Variants in WDFY3 observed in about 807,000 individuals in gnomAD.
WDFY3 encodes WD repeat and FYVE domain containing 3.
In WDFY3, 66 loss-of-function variants were observed where a neutral mutation model predicts 409.6. The observed-to-expected ratio is 0.16, with a 90% CI of 0.13 to 0.20. The LOEUF (loss-of-function observed/expected upper bound fraction) is 0.20, where lower values mean the gene tolerates loss of function less well. Ranked by LOEUF, WDFY3 falls within the 10% of genes least tolerant of loss-of-function variation. The pLI, the probability that WDFY3 is intolerant of heterozygous loss-of-function variation, is 1.00. For synonymous variants in WDFY3, 1,521 were observed against 1,537.1 expected (o/e 0.99, Z 0.25); for missense variants, 3,031 against 4,298.1 (o/e 0.71, Z 8.24).
chr4:84,855,371 G>C (rs1329921385), intron 4 of WDFY3, among the ~76,000 whole-genome samples: 1 of 152,094 alleles, frequency 6.6e-6, no homozygotes, highest in Non-Finnish European at 1.5e-5. Context: ...TTCATCTTTA[G>C]AGAAAAATAG....
intron 36 of WDFY3, among the ~76,000 whole-genome samples, chr4:84,750,912 A>G (rs369759824): frequency 1.3e-5 from 2 of 152,234 alleles, no homozygotes; most frequent in African/African-American, 4.8e-5. Flanking sequence ...ACAATGCACC[A>G]TGTCTTAAGT....
At chr4:84,965,679 T>C (rs1419999363) in intron 1 of WDFY3, 2 of 152,120 alleles carry the variant, frequency 1.3e-5, no homozygotes, top group African/African-American at 2.4e-5. Context: ...GCGTAGGGCG[T>C]AGGGGGAGAG....
rs1185205737 is a variant in WDFY3 at position 84,717,715 on chromosome 4, C to T, written c.7755-699G>A. ...CTCAGTCAGTAAATCTCTGCTAATG[C>T]TTTAGTCATGCTGTTTCTAGGGTGC... On this transcript the variant is annotated intron_variant, in intron 48 of 67. Transcript: ENST00000295888. 5.3e-5 allele frequency among the ~76,000 whole-genome samples: 8 copies of T among 152,106 alleles called. No individual in the cohort carries two copies. In the East Asian group the frequency reaches 1.5e-3, roughly 29 times the overall value.
chr4:84,876,343 C>T (rs577635542), intron 3 of WDFY3, among the ~76,000 whole-genome samples: 1 of 152,308 alleles, frequency 6.6e-6, no homozygotes, highest in African/African-American at 2.4e-5. Context: ...ATTAGTTACA[C>T]AGGCTTTGCA....
In WDFY3 at chr4:84,796,747, T is replaced by C. The variant is rs947768947; in HGVS notation, c.2941A>G (p.Met981Val). The change falls in exon 19 of 68, where the codon ATG becomes GTG. Residue 981 changes from methionine to valine, a missense_variant. Coordinates refer to ENST00000295888, the MANE Select transcript of WDFY3 (RefSeq NM_014991.6). ...LSYEPEMRSS[M>V]ITSLEGLGTD... ...CCCAGACCTTCCAGAGATGTGATCA[T>C]ACTACCTGTAAGTCAAGGAAATCTC... 3.7e-6 allele frequency: 6 copies of C among 1,610,276 alleles called. No homozygotes were observed. The highest frequency in any genetic ancestry group is 4.2e-6 in the Non-Finnish European group (5 of 1,177,504).
chr4:84,704,445 C>A lies in WDFY3; in HGVS notation c.8336-1G>T. 6.3e-7 allele frequency: 1 copy of A among 1,590,616 alleles called. No homozygotes were observed. The highest frequency in any genetic ancestry group is 8.5e-7 in the Non-Finnish European group (1 of 1,169,968). On this transcript the variant is annotated splice_acceptor_variant, in intron 54 of 67. Transcript: ENST00000295888. LOFTEE classifies it high-confidence loss of function. ...CCATAGTGGTATGCAGGAGTTTCTCCTGTTTAAGAAAATTAAAGCACAATT... is the reference window on the plus strand; with the variant it reads ...CCATAGTGGTATGCAGGAGTTTCTCATGTTTAAGAAAATTAAAGCACAATT...
intron 15 of WDFY3, among the ~76,000 whole-genome samples, chr4:84,807,866 G>A (rs1211116841): frequency 6.6e-6 from 1 of 151,672 alleles, no homozygotes; most frequent in Non-Finnish European, 1.5e-5. Flanking sequence ...TGAATCTGAT[G>A]GAGAAAATAC....
chr4:84,756,509 C>T (rs911426802), intron 33 of WDFY3, among the ~76,000 whole-genome samples: 11 of 151,458 alleles, frequency 7.3e-5, no homozygotes, highest in African/African-American at 2.4e-4. Flanking sequence ...CGCTTGAACC[C>T]GGGAGGTGGA....
rs570617671 is a variant in WDFY3, at chr4:84,741,338, G to T, written c.6234+423C>A. Reference sequence around the variant, plus strand: ...TCAGTTTTTTTTTTTTTTTTGAGACGGAGTCTTGCTCTGTCACCCAGGCTG... The same window carrying T: ...TCAGTTTTTTTTTTTTTTTTGAGACTGAGTCTTGCTCTGTCACCCAGGCTG... On this transcript the variant is annotated intron_variant, in intron 38 of 67. Transcript: ENST00000295888. 5.4e-5 allele frequency among the ~76,000 whole-genome samples: 8 copies of T among 148,544 alleles called. No homozygotes were observed. The South Asian group carries it at 1.7e-3, about 32-fold the overall frequency.
rs568935497 is a variant in WDFY3 at position 84,811,850 on chromosome 4, T to C, written c.1888-1506A>G. Among the ~76,000 whole-genome samples the C allele has an allele frequency of 6.6e-5, 10 of 152,330 alleles. No homozygotes were observed. The East Asian group carries it at 1.9e-3, about 29-fold the overall frequency. ...TTTCGGATTTTGGAATATTTGCACA[T>C]ATACAGTAAGTTATCTAAACATAAA... On this transcript the variant is annotated intron_variant, in intron 13 of 67. Coordinates refer to ENST00000295888, the MANE Select transcript of WDFY3 (RefSeq NM_014991.6).
intron 3 of WDFY3, among the ~76,000 whole-genome samples, chr4:84,889,065 A>C (rs1391930706): frequency 6.6e-6 from 1 of 152,230 alleles, no homozygotes. Context: ...CTAACGATCT[A>C]AAGTAAAAAT....
intron 53 of WDFY3, among the ~76,000 whole-genome samples, chr4:84,707,791 G>A (rs762979575): frequency 1.8e-4 from 28 of 151,536 alleles, no homozygotes; most frequent in Admixed American, 5.9e-4. Context: ...TTTATTTATT[G>A]TGCATTAGGT....
At chr4:84,955,052 A>G (rs1774069462) in intron 1 of WDFY3, among the ~76,000 whole-genome samples, 1 of 152,130 alleles carries the variant, frequency 6.6e-6, no homozygotes, top group Non-Finnish European at 1.5e-5. Context: ...AAAAAATACA[A>G]AAATTAGCCA....
At position 84,737,375 on chromosome 4, in the gene WDFY3, CA is replaced by C. The variant is rs754470238; in HGVS notation, c.6575-10del. 1 of 1,478,446 alleles carries C rather than the reference CA, an allele frequency of 6.8e-7. No homozygotes were observed. Among genetic ancestry groups the C allele is most frequent in the East Asian group, 2.4e-5 (1 of 41,360 alleles). 91.6% of individuals were successfully genotyped at this position (1,478,446 alleles called of 1,614,324 possible). On this transcript the variant is annotated splice_polypyrimidine_tract_variant and intron_variant, in intron 40 of 67. Coordinates refer to ENST00000295888, the MANE Select transcript of WDFY3 (RefSeq NM_014991.6). Reference sequence around the variant, plus strand: ...TATGAGAAGCTGACGCCCTAGTAAACAAACAAACAAACAAACAAAAAAGTAA... The same window carrying C: ...TATGAGAAGCTGACGCCCTAGTAAACAACAAACAAACAAACAAAAAAGTAA...
At chr4:84,935,588 T>A (rs182381631) in intron 1 of WDFY3, among the ~76,000 whole-genome samples, 10 of 152,330 alleles carry the variant, frequency 6.6e-5, no homozygotes, top group Admixed American at 5.9e-4. Flanking sequence ...GTATTTTATA[T>A]GTATTTGGAT....
chr4:84,902,854 T>C (rs1362041276), intron 2 of WDFY3, among the ~76,000 whole-genome samples: 1 of 152,164 alleles, frequency 6.6e-6, no homozygotes, highest in Non-Finnish European at 1.5e-5. Flanking sequence ...TCAGACTTAT[T>C]GTCAGGATTG....
intron 54 of WDFY3, 118 bp downstream of exon 54, chr4:84,705,276 T>G: frequency 1.3e-6 from 1 of 753,794 alleles, no homozygotes. Flanking sequence ...GGACATATAA[T>G]ACATATAGAT....
chr4:84,755,509 TA>T, intron 33 of WDFY3, 109 bp from the exon 34 acceptor site: 1 of 1,267,542 alleles, frequency 7.9e-7, no homozygotes, highest in East Asian at 2.6e-5. Context: ...TTGTTGTTTT[TA>T]AAAGTAACCA....
At chr4:84,913,172 A>AT (rs1768015997) in intron 2 of WDFY3, among the ~76,000 whole-genome samples, 1 of 152,312 alleles carries the variant, frequency 6.6e-6, no homozygotes, top group South Asian at 2.1e-4. Flanking sequence ...CAGCCTCTAA[A>AT]TAAGGGCATT....
Sources: gnomAD v4.1 joint callset for allele counts (sites outside exome capture counted in the v4.1 genomes callset) on GRCh38, gnomAD v4.1.1 for gene constraint, MANE v1.5 for transcripts, NCBI Gene and HGNC (gene_info 2026-07-23, HGNC 2026-07-21) for gene names.